Variants in FAM13A observed in about 807,000 individuals in gnomAD.
FAM13A encodes the protein family with sequence similarity 13 member A.
FAM13A carries 76 observed loss-of-function variants against 129.6 expected under a neutral mutation model. That is an observed-to-expected ratio of 0.59 (90% CI 0.49 to 0.71). FAM13A has a LOEUF of 0.71. Among genes scored for constraint, FAM13A ranks in the 30% least tolerant of loss-of-function variants. The probability of loss-of-function intolerance (pLI) is 0.00; values close to 1 mark genes in which losing one functional copy is unlikely to be tolerated. For synonymous variants in FAM13A, 443 were observed against 449.9 expected, an observed-to-expected ratio of 0.98 and a Z score of 0.20; for missense variants, 1,108 against 1,249.3, an observed-to-expected ratio of 0.89 and a Z score of 1.70.
chr4:88,926,215 G>T lies in FAM13A; in HGVS notation c.759+11873C>A, dbSNP rs556475890. Among the ~76,000 whole-genome samples the T allele has an allele frequency of 1.1e-4, 16 of 152,196 alleles. No homozygotes were observed. In the South Asian group the frequency reaches 3.3e-3, roughly 32 times the overall value. On this transcript the variant is annotated intron_variant, in intron 5 of 23. Transcript: ENST00000264344. ...TACACCCCCACAGTTTTCAGCCATG[G>T]GTAAGGCTTACCCCCCATCCCTGGA...
At chr4:89,054,817 A>C (rs1421773071) in intron 1 of FAM13A, among the ~76,000 whole-genome samples, 1 of 152,124 alleles carries the variant, frequency 6.6e-6, no homozygotes, top group Non-Finnish European at 1.5e-5. Context: ...ATAAAAACAC[A>C]ACCTTCATTC....
chr4:88,948,759 G>C lies in FAM13A; in HGVS notation c.606-10518C>G, dbSNP rs534278564. ...CCACCTCGGCCTCCCAAAGTGCTGG[G>C]ATTACAGGTGTGAGTCACCGTGCCA... On this transcript the variant is annotated intron_variant, in intron 4 of 23. Transcript: ENST00000264344. Among the ~76,000 whole-genome samples the C allele has an allele frequency of 6.4e-4, 98 of 152,294 alleles. 1 individual carries two copies. The highest frequency in any genetic ancestry group is 2.4e-3 in the African/African-American group (98 of 41,572).
intron 3 of FAM13A, among the ~76,000 whole-genome samples, chr4:89,009,443 G>A (rs923108858): frequency 1.3e-5 from 2 of 152,170 alleles, no homozygotes; most frequent in African/African-American, 2.4e-5. Flanking sequence ...TTGCTATAAT[G>A]TATGTGCTAT....
At chr4:88,826,208 C>G (rs1200544833) in intron 7 of FAM13A, among the ~76,000 whole-genome samples, 1 of 151,952 alleles carries the variant, frequency 6.6e-6, no homozygotes, top group Non-Finnish European at 1.5e-5. Flanking sequence ...CTACTTCTCC[C>G]TCTCCCATTC....
intron 3 of FAM13A, among the ~76,000 whole-genome samples, chr4:89,013,807 G>A (rs1289607944): frequency 1.3e-5 from 2 of 152,142 alleles, no homozygotes; most frequent in Non-Finnish European, 2.9e-5. Context: ...TTTCATTCAA[G>A]GTCATTTTGT....
rs1443404009 is a variant in FAM13A at position 88,726,306 on chromosome 4, G to GTTAGT, written c.*2222_*2226dup. ...TCCATTCCATGAAGAATATAAGTTAGTTAGTTAGTTAGTGGAAATTACAAA... is the reference window on the plus strand; with the variant it reads ...TCCATTCCATGAAGAATATAAGTTAGTTAGTTTAGTTAGTTAGTGGAAATTACAAA... On this transcript the variant is annotated 3_prime_UTR_variant, in exon 24 of 24. Transcript: ENST00000264344. 62 of 148,996 alleles carry GTTAGT rather than the reference G, an allele frequency of 4.2e-4. No individual in the cohort carries two copies. Among genetic ancestry groups the GTTAGT allele is most frequent in the African/African-American group, 1.5e-3 (61 of 40,082 alleles). 9.2% of individuals were successfully genotyped at this position (148,996 alleles called of 1,614,324 possible).
At chr4:88,914,474 C>T (rs1358472630) in intron 5 of FAM13A, among the ~76,000 whole-genome samples, 3 of 152,120 alleles carry the variant, frequency 2.0e-5, no homozygotes, top group East Asian at 1.9e-4. Flanking sequence ...CTTCAAATAC[C>T]CCAAGTCCCT....
chr4:88,876,130 A>G (rs1356725798), intron 6 of FAM13A, among the ~76,000 whole-genome samples: 9 of 152,230 alleles, frequency 5.9e-5, no homozygotes, highest in Non-Finnish European at 1.0e-4. Flanking sequence ...ATCCCACACC[A>G]GGGCCTGTCC....
At chr4:88,950,826 G>A (rs992267845) in intron 4 of FAM13A, among the ~76,000 whole-genome samples, 9 of 152,230 alleles carry the variant, frequency 5.9e-5, no homozygotes, top group African/African-American at 1.7e-4. Flanking sequence ...TAACAGTGAC[G>A]GGTCAATAAC....
chr4:88,876,502 T>G (rs1354117807), intron 6 of FAM13A, among the ~76,000 whole-genome samples: 2 of 152,108 alleles, frequency 1.3e-5, no homozygotes, highest in African/African-American at 2.4e-5. Context: ...AAAACAGAAT[T>G]TTTTTCTTAT....
rs77825415 is a variant in FAM13A, at chr4:88,988,548, G to C, written c.605+2425C>G. On this transcript the variant is annotated intron_variant, in intron 4 of 23. Coordinates refer to ENST00000264344, the MANE Select transcript of FAM13A (RefSeq NM_014883.4). ...AAAAATACATATTTACATATATACAGACATAAAATGCATTTGTTTTATCTA... is the reference window on the plus strand; with the variant it reads ...AAAAATACATATTTACATATATACACACATAAAATGCATTTGTTTTATCTA... Among the ~76,000 whole-genome samples the C allele has an allele frequency of 4.7e-3, 712 of 152,094 alleles. 2 individuals are homozygous for C. Among genetic ancestry groups the C allele is most frequent in the Middle Eastern group, 0.014 (4 of 294 alleles).
chr4:88,731,886 C>G, intron 22 of FAM13A, 116 bp downstream of exon 22: 1 of 821,776 alleles, frequency 1.2e-6, no homozygotes, highest in South Asian at 2.1e-5. Flanking sequence ...TCCAGATACA[C>G]CCCAGGTAGT....
At chr4:88,771,578 A>ATATT (rs961133031) in intron 11 of FAM13A, among the ~76,000 whole-genome samples, 1 of 152,174 alleles carries the variant, frequency 6.6e-6, no homozygotes, top group African/African-American at 2.4e-5. Context: ...AAGTAATAGA[A>ATATT]TATTGTGGAA....
chr4:88,838,437 A>G (rs1735200060), intron 7 of FAM13A, among the ~76,000 whole-genome samples: 1 of 152,252 alleles, frequency 6.6e-6, no homozygotes, highest in African/African-American at 2.4e-5. Flanking sequence ...TAATGAGTGT[A>G]AAAGAAAATA....
At chr4:88,876,213 C>G (rs1416761610) in intron 6 of FAM13A, among the ~76,000 whole-genome samples, 3 of 152,030 alleles carry the variant, frequency 2.0e-5, no homozygotes, top group Non-Finnish European at 2.9e-5. Context: ...ATGGGTGCAG[C>G]ACACAAACAT....
At chr4:88,846,924 A>G (rs1234810926) in intron 7 of FAM13A, among the ~76,000 whole-genome samples, 1 of 152,204 alleles carries the variant, frequency 6.6e-6, no homozygotes, top group Admixed American at 6.5e-5. Context: ...GAGCTTCATA[A>G]TTTCATTTTT....
In FAM13A at chr4:89,033,741, C is replaced by T. The variant is rs567673547; in HGVS notation, c.28-4092G>A. Among the ~76,000 whole-genome samples the T allele has an allele frequency of 2.0e-5, 3 of 152,226 alleles. No individual in the cohort carries two copies. In the East Asian group the frequency reaches 5.8e-4, roughly 29 times the overall value. On this transcript the variant is annotated intron_variant, in intron 1 of 23. Transcript: ENST00000264344. ...AAATTTCAGGAGCCTTGAGTTTTTA[C>T]AATAGCTAACACATAGAAGGGACTG...
At chr4:88,942,268 T>C (rs1209002495) in intron 4 of FAM13A, among the ~76,000 whole-genome samples, 1 of 152,144 alleles carries the variant, frequency 6.6e-6, no homozygotes, top group Non-Finnish European at 1.5e-5. Context: ...CTAATTGACA[T>C]TTAGAAATGT....
chr4:88,773,979 G>A (rs1282694372), intron 11 of FAM13A, among the ~76,000 whole-genome samples: 1 of 152,126 alleles, frequency 6.6e-6, no homozygotes, highest in East Asian at 1.9e-4. Context: ...AAATGGCTAT[G>A]AAGCTTTAGG....
Sources: allele counts gnomAD v4.1 joint callset (sites outside exome capture counted in the v4.1 genomes callset), GRCh38; gene constraint gnomAD v4.1.1; transcripts MANE v1.5; gene names NCBI Gene and HGNC (gene_info 2026-07-23, HGNC 2026-07-21).